The following SEMA6D variants were observed in gnomAD, a reference collection of about 807,000 sequenced individuals.
SEMA6D encodes the protein semaphorin-6D.
In SEMA6D, 35 loss-of-function variants were observed where a neutral mutation model predicts 106.6. That is an observed-to-expected ratio of 0.33 (90% CI 0.25 to 0.44). The LOEUF (loss-of-function observed/expected upper bound fraction) is 0.44. Ranked by LOEUF, SEMA6D falls within the 20% of genes least tolerant of loss-of-function variation. SEMA6D has a pLI of 1.00. For synonymous variants in SEMA6D, 499 were observed against 487.7 expected (o/e 1.02, Z -0.31); for missense variants, 1,185 against 1,345.9 (o/e 0.88, Z 1.87).
intron 4 of SEMA6D, among the ~76,000 whole-genome samples, chr15:47,683,866 G>A (rs1566984032): frequency 1.3e-5 from 2 of 152,144 alleles, no homozygotes; most frequent in Non-Finnish European, 2.9e-5. Context: ...GCCTTATAAT[G>A]TATAACTAGT....
intron 4 of SEMA6D, among the ~76,000 whole-genome samples, chr15:47,683,221 C>A (rs1184792837): frequency 2.0e-5 from 3 of 152,124 alleles, no homozygotes; most frequent in Non-Finnish European, 2.9e-5. Flanking sequence ...CTACCCTTCC[C>A]CTCTTGGAGC....
chr15:47,357,589 A>T (rs2413876), intron 1 of SEMA6D, among the ~76,000 whole-genome samples: 95,434 of 151,386 alleles, frequency 0.63, 31,049 homozygotes, highest in Non-Finnish European at 0.72. Flanking sequence ...CACGGGAGAA[A>T]GGTGTAGGAT....
intron 1 of SEMA6D, among the ~76,000 whole-genome samples, chr15:47,259,144 G>A (rs1369076782): frequency 1.3e-5 from 2 of 151,958 alleles, no homozygotes; most frequent in Non-Finnish European, 2.9e-5. Flanking sequence ...TCATTTTGTT[G>A]CGTGTCAGAT....
intron 3 of SEMA6D, among the ~76,000 whole-genome samples, chr15:47,510,261 A>G (rs1317735940): frequency 6.6e-6 from 1 of 152,122 alleles, no homozygotes; most frequent in Non-Finnish European, 1.5e-5. Flanking sequence ...CATGCAAGGG[A>G]GATAGGTTGC....
chr15:47,560,382 AAAAC>A (rs1208822666), intron 3 of SEMA6D, among the ~76,000 whole-genome samples: 2 of 152,090 alleles, frequency 1.3e-5, no homozygotes, highest in African/African-American at 4.8e-5. Context: ...TTATTTTTAA[AAAAC>A]AAAAGAGAAT....
intron 1 of SEMA6D, among the ~76,000 whole-genome samples, chr15:47,746,984 G>GTA (rs3985864): frequency 0.041 from 5,048 of 122,066 alleles, 311 homozygotes; most frequent in African/African-American, 0.13. Context: ...GTGTGTGTGT[G>GTA]TATATATATA....
intron 1 of SEMA6D, among the ~76,000 whole-genome samples, chr15:47,294,999 T>G (rs1345113550): frequency 1.3e-5 from 2 of 152,306 alleles, no homozygotes; most frequent in East Asian, 3.9e-4. Context: ...TTAATACCCT[T>G]TTAGCCTTAG....
intron 3 of SEMA6D, among the ~76,000 whole-genome samples, chr15:47,513,415 G>A (rs964429717): frequency 1.3e-5 from 2 of 152,120 alleles, no homozygotes; most frequent in Admixed American, 6.5e-5. Flanking sequence ...TCCTTGAGGA[G>A]AATACCTAAC....
At chr15:47,193,438 C>T (rs1251901550) in intron 1 of SEMA6D, among the ~76,000 whole-genome samples, 1 of 152,048 alleles carries the variant, frequency 6.6e-6, no homozygotes, top group Non-Finnish European at 1.5e-5. Context: ...CCCAAATCAC[C>T]ACAAAAAGAT....
chr15:47,450,735 C>A (rs895494330), intron 2 of SEMA6D, among the ~76,000 whole-genome samples: 2 of 152,074 alleles, frequency 1.3e-5, no homozygotes, highest in Non-Finnish European at 2.9e-5. Flanking sequence ...ATATTGAGCA[C>A]AAAGGTACAA....
chr15:47,417,887 C>T (rs1388958043), intron 2 of SEMA6D, among the ~76,000 whole-genome samples: 2 of 151,414 alleles, frequency 1.3e-5, no homozygotes, highest in Non-Finnish European at 2.9e-5. Flanking sequence ...TATTGCTAGA[C>T]AGTGTTTTGT....
chr15:47,651,242 T>C (rs1189706829), intron 4 of SEMA6D, among the ~76,000 whole-genome samples: 1 of 151,956 alleles, frequency 6.6e-6, no homozygotes, highest in Non-Finnish European at 1.5e-5. Flanking sequence ...AGATCCCATG[T>C]TTAAAAAATA....
chr15:47,613,557 G>A (rs1224672), intron 4 of SEMA6D, among the ~76,000 whole-genome samples: 150,295 of 152,324 alleles, frequency 0.99, 74,183 homozygotes, highest in Middle Eastern at 1. Context: ...TTCCTTTGTC[G>A]TCATGGTGCT....
intron 1 of SEMA6D, among the ~76,000 whole-genome samples, chr15:47,367,154 C>T (rs1407992184): frequency 1.3e-5 from 2 of 152,168 alleles, no homozygotes; most frequent in African/African-American, 4.8e-5. Flanking sequence ...ATTCACCTGC[C>T]AGAGTGTCTG....
At chr15:47,234,121 G>C (rs1566942156) in intron 1 of SEMA6D, among the ~76,000 whole-genome samples, 1 of 151,834 alleles carries the variant, frequency 6.6e-6, no homozygotes, top group Non-Finnish European at 1.5e-5. Flanking sequence ...GATGTTTTGG[G>C]AATAAGGGTT....
At chr15:47,759,678 T>C (rs2081959097) in intron 1 of SEMA6D, 67 bp from the exon 2 acceptor site, 1 of 715,396 alleles carries the variant, frequency 1.4e-6, no homozygotes, top group South Asian at 1.6e-5. Flanking sequence ...AAAACTGAGC[T>C]GATTACAAAC....
intron 1 of SEMA6D, among the ~76,000 whole-genome samples, chr15:47,188,599 A>G (rs940724497): frequency 6.6e-6 from 1 of 152,170 alleles, no homozygotes; most frequent in African/African-American, 2.4e-5. Context: ...GATTTAATTT[A>G]TTATCATATA....
chr15:47,573,283 A>G (rs1052240701), intron 3 of SEMA6D, among the ~76,000 whole-genome samples: 1 of 151,390 alleles, frequency 6.6e-6, no homozygotes, highest in African/African-American at 2.4e-5. Flanking sequence ...TAAACAACTC[A>G]CAAAGTGTTT....
chr15:47,536,890 T>A (rs1459740810), intron 3 of SEMA6D, among the ~76,000 whole-genome samples: 1 of 152,190 alleles, frequency 6.6e-6, no homozygotes, highest in Non-Finnish European at 1.5e-5. Flanking sequence ...GAGTAATTTC[T>A]CCATGTAAAA....
Sources: allele counts gnomAD v4.1 joint callset (sites outside exome capture counted in the v4.1 genomes callset), GRCh38; gene constraint gnomAD v4.1.1; transcripts MANE v1.5; gene names NCBI Gene and HGNC (gene_info 2026-07-23, HGNC 2026-07-21).